Variants in KATNB1 observed in about 807,000 individuals in gnomAD.
KATNB1 encodes the protein katanin p80 WD40 repeat-containing subunit B1.
Under a neutral mutation model 82.3 loss-of-function variants are expected in KATNB1, and 38 were observed. The ratio of observed to expected loss-of-function variants is 0.46; its 90% confidence interval spans 0.36 to 0.61. The LOEUF (loss-of-function observed/expected upper bound fraction) is 0.61. Among genes scored for constraint, KATNB1 ranks in the 20% least tolerant of loss-of-function variants. KATNB1 has a pLI of 0.00. For synonymous variants in KATNB1, 361 were observed against 368.7 expected, an observed-to-expected ratio of 0.98 and a Z score of 0.24; for missense variants, 749 against 915.7, an observed-to-expected ratio of 0.82 and a Z score of 2.35.
chr16:57,747,202 C>T (rs2049189597), intron 4 of KATNB1, among the ~76,000 whole-genome samples: 1 of 152,154 alleles, frequency 6.6e-6, no homozygotes, highest in African/African-American at 2.4e-5. Flanking sequence ...TTTTTGATAG[C>T]CCTTGTTGGA....
chr16:57,753,729 G>A (rs1009793582), intron 12 of KATNB1, among the ~76,000 whole-genome samples: 5 of 152,096 alleles, frequency 3.3e-5, no homozygotes, highest in South Asian at 2.1e-4. Flanking sequence ...CCCCAGCAGC[G>A]GCCCAGCAGC....
chr16:57,749,439 G>C lies in KATNB1; in HGVS notation c.290-1388G>C, dbSNP rs148156672. ...TGGGGGTAGAGAAGATCATACAGTAGAGTTCATTTAATTCACCCAGTGCTT... is the reference window on the plus strand; with the variant it reads ...TGGGGGTAGAGAAGATCATACAGTACAGTTCATTTAATTCACCCAGTGCTT... On this transcript the variant is annotated intron_variant, in intron 4 of 19. Transcript: ENST00000379661. Among the ~76,000 whole-genome samples the C allele has an allele frequency of 8.4e-3, 1,279 of 152,338 alleles. 2 individuals are homozygous for C. The highest frequency in any genetic ancestry group is 0.02 in the Middle Eastern group (6 of 294).
rs548228685 is a variant in KATNB1, at chr16:57,750,984, G to A, written c.390+57G>A. ...GCTGGGCCTGTGGCAGGACCAGCCC[G>A]GCCCGGCCCTCAGTGCTGGATGCCT... On this transcript the variant is annotated intron_variant, in intron 5 of 19. Coordinates refer to ENST00000379661, the MANE Select transcript of KATNB1 (RefSeq NM_005886.3). The A allele has an allele frequency of 3.9e-5, 56 of 1,424,130 alleles. 1 individual carries two copies. Among genetic ancestry groups the A allele is most frequent in the South Asian group, 2.8e-4 (24 of 87,258 alleles). 88.2% of individuals were successfully genotyped at this position (1,424,130 alleles called of 1,614,324 possible).
chr16:57,752,251 A>C, intron 8 of KATNB1, 196 bp downstream of exon 8: 1 of 639,930 alleles, frequency 1.6e-6, no homozygotes, highest in South Asian at 1.8e-5. Context: ...CCCTGGCCCC[A>C]GTGTCCCAGG....
At position 57,756,853 on chromosome 16, in the gene KATNB1, C is replaced by T. The variant is rs1555586991; in HGVS notation, c.1875C>T (p.Ser625=). Residue 625 remains serine (S), a synonymous_variant, in exon 20 of 20, where the codon AGC becomes AGT. Transcript: ENST00000379661. ...GGCTCTGCTACAAGCAGCTTAAGAG[C>T]ATCAGCGGCCTGGTCAAGAGCAAGT... The part of the protein sequence containing the change: ...KCRLCYKQLK[S]ISGLVKSKSG... 1 of 1,575,588 alleles carries T rather than the reference C, an allele frequency of 6.3e-7. No individual in the cohort carries two copies.
At position 57,751,380 on chromosome 16, in the gene KATNB1, G is replaced by C; in HGVS notation, c.432+78G>C. 7.2e-7 allele frequency: 1 copy of C among 1,381,342 alleles called. No individual in the cohort carries two copies. Among genetic ancestry groups the C allele is most frequent in the South Asian group, 1.2e-5 (1 of 86,212 alleles). 85.6% of individuals were successfully genotyped at this position (1,381,342 alleles called of 1,614,324 possible). Reference sequence around the variant, plus strand: ...TGGTGTGGTGCCCAGACCCCAGCAGGGGGTGGAGGGGACGGCTGTCCCACA... The same window carrying C: ...TGGTGTGGTGCCCAGACCCCAGCAGCGGGTGGAGGGGACGGCTGTCCCACA... On this transcript the variant is annotated intron_variant, in intron 6 of 19. Coordinates refer to ENST00000379661, the MANE Select transcript of KATNB1 (RefSeq NM_005886.3). This position sits in a 1 kb window ranked among gnomAD's most constrained non-coding sequence, Gnocchi z 6.3.
intron 4 of KATNB1, among the ~76,000 whole-genome samples, chr16:57,745,563 CA>C (rs11449099): frequency 0.011 from 1,529 of 135,280 alleles, 27 homozygotes; most frequent in African/African-American, 0.038. Context: ...AACTCCATCT[CA>C]AAAAAAAAAA....
chr16:57,741,397 T>C (rs1240257067), intron 2 of KATNB1, among the ~76,000 whole-genome samples: 1 of 152,250 alleles, frequency 6.6e-6, no homozygotes, highest in African/African-American at 2.4e-5. Flanking sequence ...TGCGTATAAC[T>C]AGTCAATATT....
chr16:57,752,766 C>A lies in KATNB1; in HGVS notation c.705-12C>A. The A allele has an allele frequency of 6.2e-7, 1 of 1,607,372 alleles. No individual in the cohort carries two copies. Among genetic ancestry groups the A allele is most frequent in the Non-Finnish European group, 8.5e-7 (1 of 1,178,406 alleles). On this transcript the variant is annotated splice_polypyrimidine_tract_variant and intron_variant, in intron 9 of 19. Coordinates refer to ENST00000379661, the MANE Select transcript of KATNB1 (RefSeq NM_005886.3). ...TGCCACAGGACCCACGGCCATCTCTCGCCTGGCCCAGGAGCGTCCTCTTCA... is the reference window on the plus strand; with the variant it reads ...TGCCACAGGACCCACGGCCATCTCTAGCCTGGCCCAGGAGCGTCCTCTTCA...
chr16:57,750,888 C>T lies in KATNB1; in HGVS notation c.351C>T (p.Gly117=), dbSNP rs782468970. The T allele has an allele frequency of 1.2e-5, 19 of 1,613,982 alleles. No individual in the cohort carries two copies. In the Admixed American group the frequency reaches 2.3e-4, roughly 20 times the overall value. The part of the protein sequence containing the change: ...NICSLDFHPY[G]EFVASGSQDT... ...GCAGCCTGGATTTCCACCCGTACGG[C>T]GAGTTTGTAGCCTCTGGTTCCCAGG... The change falls in exon 5 of 20, where the codon GGC becomes GGT. Residue 117 remains glycine (G), a synonymous_variant. Transcript: ENST00000379661.
chr16:57,741,640 C>A, intron 2 of KATNB1, 47 bp from the exon 3 acceptor site: 1 of 1,574,876 alleles, frequency 6.3e-7, no homozygotes, highest in East Asian at 2.3e-5. Flanking sequence ...CTTCACAAGG[C>A]CCCATCGGGC....
chr16:57,744,290 C>T, intron 3 of KATNB1, 104 bp from the exon 4 acceptor site: 1 of 999,030 alleles, frequency 1.0e-6, no homozygotes, highest in Non-Finnish European at 1.5e-6. Flanking sequence ...CCCCTCCTGC[C>T]TTAGCCATTT....
intron 4 of KATNB1, among the ~76,000 whole-genome samples, chr16:57,744,770 C>T (rs993442606): frequency 8.8e-5 from 9 of 102,456 alleles, no homozygotes; most frequent in South Asian, 3.6e-4. Flanking sequence ...TGTGTGTCTG[C>T]GGGCACGTGT....
Position 57,756,084 on chromosome 16 carries a change from A to G in KATNB1, c.1718+18A>G, listed in dbSNP as rs1555586168. On this transcript the variant is annotated intron_variant, in intron 18 of 19. Transcript: ENST00000379661. ...TATGAGAGGTGCGTGTGGGGAAGCCATGCCTGCCTGAAGCAGGGGGAGGGG... is the reference window on the plus strand; with the variant it reads ...TATGAGAGGTGCGTGTGGGGAAGCCGTGCCTGCCTGAAGCAGGGGGAGGGG... The G allele has an allele frequency of 6.2e-7, 1 of 1,602,556 alleles. No individual in the cohort carries two copies. The highest frequency in any genetic ancestry group is 8.5e-7 in the Non-Finnish European group (1 of 1,179,646).
At position 57,751,330 on chromosome 16, in the gene KATNB1, A is replaced by G; in HGVS notation, c.432+28A>G. On this transcript the variant is annotated intron_variant, in intron 6 of 19. Transcript: ENST00000379661. The surrounding 1 kb of genome is among the most constrained non-coding windows in gnomAD (Gnocchi z 6.3). ...AAGGATGCGCTCTGTCGGTGACTCC[A>G]TGAGCACCTTGCGGGCATTGAGTGT... 1 of 1,607,654 alleles carries G rather than the reference A, an allele frequency of 6.2e-7. No homozygotes were observed. The highest frequency in any genetic ancestry group is 8.5e-7 in the Non-Finnish European group (1 of 1,174,138).
intron 4 of KATNB1, among the ~76,000 whole-genome samples, chr16:57,747,652 A>G (rs1051137787): frequency 1.3e-5 from 2 of 152,158 alleles, no homozygotes; most frequent in South Asian, 4.1e-4. Flanking sequence ...CGGGCCAGGG[A>G]GGAGTGAGTC....
In KATNB1 at chr16:57,737,105, C is replaced by G. The variant is rs755354626; in HGVS notation, c.-139C>G. 3 of 1,057,312 alleles carry G rather than the reference C, an allele frequency of 2.8e-6. No individual in the cohort carries two copies. The highest frequency in any genetic ancestry group is 3.9e-5 in the Admixed American group (2 of 50,644). 65.5% of individuals were successfully genotyped at this position (1,057,312 alleles called of 1,614,324 possible). A position where few individuals can be genotyped will look rare whatever the true frequency, so the allele number is the denominator to read the frequency against. On this transcript the variant is annotated 5_prime_UTR_variant, in exon 2 of 20. Transcript: ENST00000379661. ...CACGAGGCACCCCAGGGCCAGAAGA[C>G]GAGGCATTCTGTCTGCCTGGATGTG...
intron 4 of KATNB1, 99 bp from the exon 5 acceptor site, chr16:57,750,728 C>A: frequency 1.2e-6 from 1 of 860,064 alleles, no homozygotes; most frequent in Non-Finnish European, 2.0e-6. Flanking sequence ...TTCTGTGCAG[C>A]TAATCCAAAA....
At position 57,752,503 on chromosome 16, in the gene KATNB1, C is replaced by T. The variant is rs7185975; in HGVS notation, c.633-27C>T. The stretch of plus-strand genomic sequence containing the variant: ...GGAGGCCAGGATGAGGGATAGGCTT[C>T]GCAGCACAGCTTGGCTGCCTTTGCA... On this transcript the variant is annotated intron_variant, in intron 8 of 19. Coordinates refer to ENST00000379661, the MANE Select transcript of KATNB1 (RefSeq NM_005886.3). 4.8e-3 allele frequency: 7,380 copies of T among 1,551,734 alleles called. 310 individuals are homozygous for T. In the African/African-American group the frequency reaches 0.086, roughly 18 times the overall value.
Sources: gnomAD v4.1 joint callset for allele counts (sites outside exome capture counted in the v4.1 genomes callset) on GRCh38, gnomAD v4.1.1 for gene constraint, Gnocchi (gnomAD v3.1) non-coding constraint, MANE v1.5 for transcripts, NCBI Gene and HGNC (gene_info 2026-07-23, HGNC 2026-07-21) for gene names.